Variants in LNX1 observed in about 807,000 individuals in gnomAD.
The protein encoded by LNX1 is E3 ubiquitin-protein ligase LNX.
A neutral mutation model predicts 68.4 loss-of-function variants in LNX1; 54 were observed. The observed-to-expected ratio is 0.79, with a 90% CI of 0.63 to 0.99. The LOEUF is 0.99. LNX1 is among the 50% of genes least tolerant of loss of function. The pLI, the probability that LNX1 is intolerant of heterozygous loss-of-function variation, is 0.00. For missense variants in LNX1, 906 were observed against 926.4 expected (o/e 0.98, Z 0.29); for synonymous variants, 336 against 350.0 (o/e 0.96, Z 0.45).
chr4:53,488,948 A>C (rs931558429), intron 6 of LNX1, among the ~76,000 whole-genome samples: 1 of 152,222 alleles, frequency 6.6e-6, no homozygotes, highest in Non-Finnish European at 1.5e-5. Flanking sequence ...TCCAGGGAAA[A>C]AAAATCCTCC....
At chr4:53,557,796 G>T (rs142388156) in intron 2 of LNX1, 4 of 1,543,374 alleles carry the variant, frequency 2.6e-6, no homozygotes, top group African/African-American at 2.8e-5. Context: ...GGATATATCA[G>T]CTAGGGAATG....
At chr4:53,484,571 A>T (rs1724162228) in intron 6 of LNX1, among the ~76,000 whole-genome samples, 1 of 150,590 alleles carries the variant, frequency 6.6e-6, no homozygotes, top group Non-Finnish European at 1.5e-5. Flanking sequence ...TCAAAAAAAG[A>T]AAAAAAAAAT....
chr4:53,574,184 T>C (rs1731346591), intron 1 of LNX1, 96 bp from the exon 2 acceptor site: 2 of 960,830 alleles, frequency 2.1e-6, no homozygotes, highest in Admixed American at 3.1e-5. Context: ...GCATGGGGAA[T>C]TGAGCTACGA....
At chr4:53,580,616 G>A (rs1245324396) in intron 1 of LNX1, among the ~76,000 whole-genome samples, 1 of 152,138 alleles carries the variant, frequency 6.6e-6, no homozygotes, top group African/African-American at 2.4e-5. Flanking sequence ...TATCTTACGA[G>A]TAAAAAGGTA....
At position 53,527,071 on chromosome 4, in the gene LNX1, A is replaced by AAG. The variant is rs776981300; in HGVS notation, c.381-18845_381-18844insCT. 8.2e-3 allele frequency among the ~76,000 whole-genome samples: 1,244 copies of AAG among 151,172 alleles called. 7 individuals carry two copies. Among genetic ancestry groups the AAG allele is most frequent in the Non-Finnish European group, 0.013 (854 of 67,720 alleles). ...GCCCCTAAAAAAAAAAAAAAAAAAA[A>AAG]ACTAGAAGAACAAAACCTGACCCAA... is the stretch of plus-strand genomic sequence containing the variant. On this transcript the variant is annotated intron_variant, in intron 2 of 10. Transcript: ENST00000263925.
At chr4:53,479,914 T>C (rs1723806870) in intron 7 of LNX1, among the ~76,000 whole-genome samples, 1 of 152,240 alleles carries the variant, frequency 6.6e-6, no homozygotes, top group African/African-American at 2.4e-5. Context: ...AAACATTCCA[T>C]GTGCACTTAG....
At chr4:53,554,873 C>T (rs565996469) in intron 2 of LNX1, among the ~76,000 whole-genome samples, 1 of 151,908 alleles carries the variant, frequency 6.6e-6, no homozygotes, top group East Asian at 1.9e-4. Context: ...AAAAATCCTG[C>T]CTTGCCCCTG....
intron 1 of LNX1, among the ~76,000 whole-genome samples, chr4:53,645,748 G>A (rs1488495968): frequency 6.6e-6 from 1 of 152,152 alleles, no homozygotes; most frequent in Non-Finnish European, 1.5e-5. Flanking sequence ...TAGTTTAGGT[G>A]AAGTATGCCA....
At chr4:53,543,272 TC>T (rs1728883190) in intron 2 of LNX1, among the ~76,000 whole-genome samples, 1 of 152,240 alleles carries the variant, frequency 6.6e-6, no homozygotes, top group African/African-American at 2.4e-5. Context: ...GAACAGCATC[TC>T]CTTACCTGCT....
chr4:53,461,721 C>T, intron 9 of LNX1, 128 bp from the exon 10 acceptor site: 2 of 615,778 alleles, frequency 3.2e-6, no homozygotes, highest in Non-Finnish European at 5.4e-6. Flanking sequence ...ATAGGTCCCA[C>T]TCAAAATTGT....
At chr4:53,559,530 T>TC (rs1730134640) in intron 2 of LNX1, among the ~76,000 whole-genome samples, 1 of 152,166 alleles carries the variant, frequency 6.6e-6, no homozygotes, top group Non-Finnish European at 1.5e-5. Context: ...TTTCATGTCC[T>TC]CCCCTGTAAA....
At chr4:53,515,875 T>A (rs1476642419) in intron 2 of LNX1, among the ~76,000 whole-genome samples, 2 of 152,172 alleles carry the variant, frequency 1.3e-5, no homozygotes, top group African/African-American at 4.8e-5. Flanking sequence ...CTCTGCAACT[T>A]TGGACAAGTG....
intron 4 of LNX1, among the ~76,000 whole-genome samples, chr4:53,505,015 G>A (rs1211519046): frequency 2.0e-5 from 3 of 152,102 alleles, no homozygotes; most frequent in Non-Finnish European, 4.4e-5. Context: ...GTGAGCACAC[G>A]CTTTTGGAAA....
chr4:53,526,205 C>T (rs563660917), intron 2 of LNX1, among the ~76,000 whole-genome samples: 33 of 152,258 alleles, frequency 2.2e-4, no homozygotes, highest in African/African-American at 4.6e-4. Flanking sequence ...TCACTGGACA[C>T]GGCACACTGC....
intron 1 of LNX1, among the ~76,000 whole-genome samples, chr4:53,631,876 T>C (rs369869240): frequency 7.9e-5 from 12 of 152,024 alleles, no homozygotes; most frequent in Admixed American, 4.6e-4. Flanking sequence ...TTTTTTTAAG[T>C]CCTTGAGAAT....
intron 2 of LNX1, among the ~76,000 whole-genome samples, chr4:53,519,229 G>C (rs2109566070): frequency 6.6e-6 from 1 of 152,318 alleles, no homozygotes; most frequent in Admixed American, 6.5e-5. Flanking sequence ...ACCTCCAGGT[G>C]ATTTATTTCA....
chr4:53,574,291 C>T (rs1368343729), intron 1 of LNX1, among the ~76,000 whole-genome samples: 1 of 152,178 alleles, frequency 6.6e-6, no homozygotes, highest in East Asian at 1.9e-4. Flanking sequence ...CCACGCATGC[C>T]AGTGGGAATA....
chr4:53,502,485 A>G (rs547592552), intron 4 of LNX1, among the ~76,000 whole-genome samples: 14 of 152,262 alleles, frequency 9.2e-5, no homozygotes, highest in Non-Finnish European at 8.8e-5. Flanking sequence ...TTTAACGATC[A>G]TCTGAGGCTT....
At chr4:53,476,623 G>T in intron 9 of LNX1, 130 bp downstream of exon 9, 1 of 788,028 alleles carries the variant, frequency 1.3e-6, no homozygotes, top group Non-Finnish European at 2.2e-6. Context: ...TTATTTCACA[G>T]TCCCACAACC....
Sources: gnomAD v4.1 joint callset for allele counts (sites outside exome capture counted in the v4.1 genomes callset) on GRCh38, gnomAD v4.1.1 for gene constraint, MANE v1.5 for transcripts, NCBI Gene and HGNC (gene_info 2026-07-23, HGNC 2026-07-21) for gene names.